Variants in PRKN observed in about 807,000 individuals in gnomAD.
PRKN encodes E3 ubiquitin-protein ligase parkin.
Under a neutral mutation model 59.5 loss-of-function variants are expected in PRKN, and 56 were observed. The ratio of observed to expected loss-of-function variants is 0.94; its 90% CI spans 0.76 to 1.18. The LOEUF (loss-of-function observed/expected upper bound fraction) is 1.18, where lower values mean the gene tolerates loss of function less well. Among genes scored for constraint, PRKN ranks in the 50% most tolerant of loss-of-function variants. The pLI is 0.00. For synonymous variants in PRKN, 250 were observed against 222.1 expected (o/e 1.13, Z -1.12); for missense variants, 657 against 596.4 (o/e 1.10, Z -1.06).
chr6:161,734,567 T>C (rs901789799), intron 7 of PRKN, among the ~76,000 whole-genome samples: 3 of 152,170 alleles, frequency 2.0e-5, no homozygotes, highest in African/African-American at 7.2e-5. Context: ...TACATTTGTG[T>C]TAAGTGTGTG....
intron 7 of PRKN, among the ~76,000 whole-genome samples, chr6:161,629,458 G>A (rs1013040472): frequency 6.6e-5 from 10 of 151,824 alleles, no homozygotes; most frequent in Admixed American, 3.9e-4. Flanking sequence ...CCCAACCCAG[G>A]CTCCACATTC....
chr6:161,416,243 C>T lies in PRKN; in HGVS notation c.1084-29366G>A, dbSNP rs769294931. Among the ~76,000 whole-genome samples the T allele has an allele frequency of 2.6e-5, 4 of 152,124 alleles. No individual in the cohort carries two copies. The South Asian group carries it at 6.2e-4, about 24-fold the overall frequency. The stretch of plus-strand genomic sequence containing the variant: ...ACCAGTGGCCCTCAGAGCTAACAGA[C>T]GCACTGCCTGGCCCTTTACTGAAAA... On this transcript the variant is annotated intron_variant, in intron 9 of 11. Transcript: ENST00000366898.
chr6:162,364,980 T>TC lies in PRKN; in HGVS notation c.171+78329_171+78330insG, dbSNP rs201608509. Among the ~76,000 whole-genome samples the TC allele has an allele frequency of 9.1e-3, 1,111 of 122,204 alleles. 8 individuals carry two copies. Among genetic ancestry groups the TC allele is most frequent in the African/African-American group, 0.035 (1,034 of 29,354 alleles). 80.2% of individuals were successfully genotyped at this position (122,204 alleles called of 152,430 possible). On this transcript the variant is annotated intron_variant, in intron 2 of 11. Transcript: ENST00000366898. ...TCTTCTCCCTCTCTCTCTCTCTCTC[T>TC]TTTTTTTTTTTTTTTGCCAATATGT...
chr6:161,578,695 G>A lies in PRKN; in HGVS notation c.872-9279C>T, dbSNP rs532090558. Among the ~76,000 whole-genome samples, 1 of 152,274 alleles carries A rather than the reference G, an allele frequency of 6.6e-6. No individual in the cohort carries two copies. The highest frequency in any genetic ancestry group is 2.4e-5 in the African/African-American group (1 of 41,552). On this transcript the variant is annotated intron_variant, in intron 7 of 11. Coordinates refer to ENST00000366898, the MANE Select transcript of PRKN (RefSeq NM_004562.3). The surrounding 1 kb of genome is among the most constrained non-coding windows in gnomAD (Gnocchi z 4.2). ...TGTCCACACGATGGTGTCACTTCCT[G>A]CACTAGATCTAATCAGCGCTGCTCT...
intron 6 of PRKN, among the ~76,000 whole-genome samples, chr6:161,805,665 C>A (rs537052641): frequency 6.6e-6 from 1 of 152,310 alleles, no homozygotes; most frequent in East Asian, 1.9e-4. Flanking sequence ...ACTCTTCTGA[C>A]TTCATTTGCT....
At chr6:162,216,324 A>T (rs1420972288) in intron 3 of PRKN, among the ~76,000 whole-genome samples, 4 of 151,716 alleles carry the variant, frequency 2.6e-5, no homozygotes, top group African/African-American at 7.3e-5. Flanking sequence ...AGGTCAGGAG[A>T]TCGAGATCAT....
At position 161,548,699 on chromosome 6, in the gene PRKN, A is replaced by C; in HGVS notation, c.1083+155T>G. On this transcript the variant is annotated intron_variant, in intron 9 of 11. Transcript: ENST00000366898. The surrounding 1 kb of genome is among the most constrained non-coding windows in gnomAD (Gnocchi z 4.2). ...CATAAATTTTCAAATCTGGAGTCCT[A>C]TAAAGGAATTTAAAATCTATTTTCT... The C allele has an allele frequency of 1.4e-6, 1 of 729,012 alleles. No homozygotes were observed. Among genetic ancestry groups the C allele is most frequent in the Non-Finnish European group, 2.3e-6 (1 of 429,390 alleles). The allele number at this position is 729,012 out of a possible 1,614,324, so 45.2% of individuals were successfully genotyped here. A position where few individuals can be genotyped will look rare whatever the true frequency, so the allele number is the denominator to read the frequency against.
chr6:162,506,251 CAAAAAAAAAAAA>C lies in PRKN; in HGVS notation c.8-62790_8-62779del, dbSNP rs10528135. On this transcript the variant is annotated intron_variant, in intron 1 of 11. Transcript: ENST00000366898. Reference sequence around the variant, plus strand: ...AACCCTTGGGAAAATAAAGAGGAAGCAAAAAAAAAAAAAAAAAAAAAAGGAATGCCTTTAGAG... The same window carrying C: ...AACCCTTGGGAAAATAAAGAGGAAGCAAAAAAAAAAGGAATGCCTTTAGAG... Among the ~76,000 whole-genome samples the C allele has an allele frequency of 2.3e-4, 22 of 95,344 alleles. No homozygotes were observed. The South Asian group carries it at 3.9e-3, about 17-fold the overall frequency. 62.5% of individuals were successfully genotyped at this position (95,344 alleles called of 152,430 possible).
At chr6:162,061,143 C>T (rs1778085457) in intron 4 of PRKN, among the ~76,000 whole-genome samples, 1 of 152,130 alleles carries the variant, frequency 6.6e-6, no homozygotes, top group African/African-American at 2.4e-5. Flanking sequence ...GCTATATGTT[C>T]CCGAGCTAGT....
Position 161,545,487 on chromosome 6 carries a change from T to C in PRKN, c.1083+3367A>G. 2 of 1,334,592 alleles carry C rather than the reference T, an allele frequency of 1.5e-6. No homozygotes were observed. The highest frequency in any genetic ancestry group is 2.2e-6 in the Non-Finnish European group (2 of 928,418). The allele number at this position is 1,334,592 out of a possible 1,614,324, so 82.7% of individuals were successfully genotyped here. ...GATTCACCTTCTTCTAACTTTTATG[T>C]ATTTGGCCATGTTCTACTTCTGAAA... On this transcript the variant is annotated intron_variant, in intron 9 of 11. Transcript: ENST00000366898. The surrounding 1 kb of genome is among the most constrained non-coding windows in gnomAD (Gnocchi z 4.1).
At chr6:162,337,738 C>T (rs554767970) in intron 2 of PRKN, among the ~76,000 whole-genome samples, 4 of 152,036 alleles carry the variant, frequency 2.6e-5, no homozygotes, top group East Asian at 1.9e-4. Context: ...GCTAATCACT[C>T]GGCAGTCATT....
At chr6:162,306,831 C>A (rs1299901128) in intron 2 of PRKN, among the ~76,000 whole-genome samples, 1 of 152,126 alleles carries the variant, frequency 6.6e-6, no homozygotes, top group African/African-American at 2.4e-5. Flanking sequence ...GTTTCAAAGG[C>A]CCAGGCACGC....
chr6:162,193,179 T>A (rs2128327467), intron 4 of PRKN, among the ~76,000 whole-genome samples: 1 of 152,300 alleles, frequency 6.6e-6, no homozygotes, highest in South Asian at 2.1e-4. Flanking sequence ...TCTCTAGACT[T>A]TAATTAACTG....
intron 1 of PRKN, among the ~76,000 whole-genome samples, chr6:162,637,948 T>C (rs1201389876): frequency 6.6e-6 from 1 of 152,194 alleles, no homozygotes; most frequent in Non-Finnish European, 1.5e-5. Context: ...CAATGAATGA[T>C]TGAAGCTCCT....
At chr6:162,661,000 A>C (rs1234826260) in intron 1 of PRKN, among the ~76,000 whole-genome samples, 1 of 152,124 alleles carries the variant, frequency 6.6e-6, no homozygotes, top group African/African-American at 2.4e-5. Context: ...GGTGCCTCAC[A>C]TCTGTAATCC....
rs534788927 is a variant in PRKN at position 161,388,279 on chromosome 6, T to C, written c.1084-1402A>G. Among the ~76,000 whole-genome samples, 2 of 152,332 alleles carry C rather than the reference T, an allele frequency of 1.3e-5. No individual in the cohort carries two copies. Among genetic ancestry groups the C allele is most frequent in the South Asian group, 2.1e-4 (1 of 4,826 alleles). On this transcript the variant is annotated intron_variant, in intron 9 of 11. Transcript: ENST00000366898. This position sits in a 1 kb window ranked among gnomAD's most constrained non-coding sequence, Gnocchi z 4.3. ...ATGACCCCTGGGAGAGGTAGTGAGA[T>C]AGCACATGCTGAGTGGCTACAATCA...
At chr6:161,815,681 G>A (rs1411736137) in intron 6 of PRKN, among the ~76,000 whole-genome samples, 1 of 152,210 alleles carries the variant, frequency 6.6e-6, no homozygotes, top group Non-Finnish European at 1.5e-5. Flanking sequence ...CCAGCCTCCT[G>A]CCTTCAGAGA....
chr6:162,544,061 C>T (rs982871083), intron 1 of PRKN, among the ~76,000 whole-genome samples: 1 of 152,106 alleles, frequency 6.6e-6, no homozygotes, highest in Non-Finnish European at 1.5e-5. Context: ...CTCTCCTTTT[C>T]GGATTTGTAC....
At chr6:162,333,981 G>C (rs143795815) in intron 2 of PRKN, among the ~76,000 whole-genome samples, 1 of 152,164 alleles carries the variant, frequency 6.6e-6, no homozygotes, top group Admixed American at 6.5e-5. Context: ...CTGGATACAA[G>C]ATCGAAACAG....
Sources: gnomAD v4.1 joint callset for allele counts (sites outside exome capture counted in the v4.1 genomes callset) on GRCh38, gnomAD v4.1.1 for gene constraint, Gnocchi (gnomAD v3.1) non-coding constraint, MANE v1.5 for transcripts, NCBI Gene and HGNC (gene_info 2026-07-23, HGNC 2026-07-21) for gene names.